Variants in ATP13A4 observed in about 807,000 individuals in gnomAD.
ATP13A4 encodes ATPase 13A4.
In ATP13A4, 114 loss-of-function variants were observed where a neutral mutation model predicts 142.5. The observed-to-expected ratio is 0.80, with a 90% CI of 0.69 to 0.93. The LOEUF (loss-of-function observed/expected upper bound fraction) is 0.93, where lower values mean the gene tolerates loss of function less well. ATP13A4 is among the 40% of genes least tolerant of loss of function. The probability of loss-of-function intolerance (pLI) is 0.00; values close to 1 mark genes in which losing one functional copy is unlikely to be tolerated. For missense variants in ATP13A4, 1,392 were observed against 1,454.0 expected, an observed-to-expected ratio of 0.96 and a Z score of 0.69; for synonymous variants, 488 against 514.8, an observed-to-expected ratio of 0.95 and a Z score of 0.70.
intron 25 of ATP13A4, among the ~76,000 whole-genome samples, chr3:193,433,260 A>G (rs1011845210): frequency 2.2e-4 from 34 of 152,336 alleles, no homozygotes; most frequent in African/African-American, 8.2e-4. Flanking sequence ...TTGGGAAGGA[A>G]GTACATGGGA....
chr3:193,436,072 A>G (rs1415866014), intron 23 of ATP13A4, among the ~76,000 whole-genome samples: 1 of 152,204 alleles, frequency 6.6e-6, no homozygotes, highest in East Asian at 1.9e-4. Flanking sequence ...TCTTCTACCT[A>G]TTCACTAATG....
chr3:193,501,308 T>TGGG (rs920619401), intron 3 of ATP13A4, among the ~76,000 whole-genome samples: 1 of 152,086 alleles, frequency 6.6e-6, no homozygotes, highest in Non-Finnish European at 1.5e-5. Context: ...GCTGAGTGGG[T>TGGG]GGGGTGCAGT....
chr3:193,508,014 C>T (rs1465327933), intron 2 of ATP13A4, among the ~76,000 whole-genome samples: 1 of 152,100 alleles, frequency 6.6e-6, no homozygotes, highest in African/African-American at 2.4e-5. Flanking sequence ...TTGAATGAGG[C>T]CATAAGGGTA....
At chr3:193,481,010 G>A (rs1320461482) in intron 8 of ATP13A4, among the ~76,000 whole-genome samples, 2 of 152,262 alleles carry the variant, frequency 1.3e-5, no homozygotes, top group East Asian at 3.9e-4. Flanking sequence ...TATTCTAAGC[G>A]AAGTAACTCA....
At chr3:193,546,612 A>C (rs1723242071) in intron 1 of ATP13A4, among the ~76,000 whole-genome samples, 1 of 152,208 alleles carries the variant, frequency 6.6e-6, no homozygotes, top group South Asian at 2.1e-4. Context: ...ATAATGTTAG[A>C]GCCAACACAA....
chr3:193,551,716 C>T (rs1470664263), intron 1 of ATP13A4, among the ~76,000 whole-genome samples: 1 of 152,214 alleles, frequency 6.6e-6, no homozygotes, highest in African/African-American at 2.4e-5. Flanking sequence ...TGGCCCAAGG[C>T]CGGTGAGAGC....
chr3:193,442,218 A>G (rs1365209303), intron 19 of ATP13A4, among the ~76,000 whole-genome samples, 175 bp downstream of exon 19: 2 of 152,226 alleles, frequency 1.3e-5, no homozygotes, highest in Non-Finnish European at 1.5e-5. Context: ...ACAGGAAAGC[A>G]CTATACCTTC....
intron 29 of ATP13A4, among the ~76,000 whole-genome samples, chr3:193,404,661 T>A (rs1256284264): frequency 3.3e-5 from 5 of 152,110 alleles, no homozygotes; most frequent in Non-Finnish European, 7.4e-5. Context: ...CCTGCCTGCT[T>A]CCCCTTTGCT....
intron 1 of ATP13A4, among the ~76,000 whole-genome samples, chr3:193,544,087 T>C (rs1723091600): frequency 6.6e-6 from 1 of 152,084 alleles, no homozygotes; most frequent in Admixed American, 6.6e-5. Context: ...GACTAATGGC[T>C]CCAGGAGACA....
chr3:193,432,052 GA>G (rs1382528591), intron 25 of ATP13A4, among the ~76,000 whole-genome samples: 1 of 151,808 alleles, frequency 6.6e-6, no homozygotes, highest in Non-Finnish European at 1.5e-5. Flanking sequence ...GGTCAAATAA[GA>G]ATTTTTAAAA....
chr3:193,476,892 T>C (rs1210209029), intron 8 of ATP13A4, among the ~76,000 whole-genome samples: 2 of 152,014 alleles, frequency 1.3e-5, no homozygotes, highest in Admixed American at 1.3e-4. Context: ...TAATATCAAA[T>C]ATCACTGATC....
At position 193,480,132 on chromosome 3, in the gene ATP13A4, A is replaced by C. The variant is rs75768479; in HGVS notation, c.808+3804T>G. On this transcript the variant is annotated intron_variant, in intron 8 of 29. Transcript: ENST00000342695. Reference sequence around the variant, plus strand: ...TCAACTCAAGATGGATCAAAGGCTTAAATCTAAGACTTGATACCATAAAAA... The same window carrying C: ...TCAACTCAAGATGGATCAAAGGCTTCAATCTAAGACTTGATACCATAAAAA... 6.1e-3 allele frequency among the ~76,000 whole-genome samples: 930 copies of C among 152,334 alleles called. 12 individuals are homozygous for C. The highest frequency in any genetic ancestry group is 0.022 in the African/African-American group (898 of 41,578).
chr3:193,517,730 G>A (rs960338119), intron 1 of ATP13A4, among the ~76,000 whole-genome samples: 1 of 151,694 alleles, frequency 6.6e-6, no homozygotes, highest in Non-Finnish European at 1.5e-5. Flanking sequence ...TGATCTGCCC[G>A]CCTCAGCCTC....
intron 8 of ATP13A4, among the ~76,000 whole-genome samples, chr3:193,477,750 G>A (rs1445120296): frequency 1.3e-5 from 2 of 152,068 alleles, no homozygotes; most frequent in East Asian, 3.8e-4. Context: ...GAGCATCGAT[G>A]GAGATCTTGG....
chr3:193,515,408 C>T (rs1721352650), intron 1 of ATP13A4, among the ~76,000 whole-genome samples: 1 of 152,132 alleles, frequency 6.6e-6, no homozygotes, highest in South Asian at 2.1e-4. Flanking sequence ...AAGAACCAGG[C>T]CTTGAAATCT....
In ATP13A4 at chr3:193,414,567, C is replaced by A. The variant is rs1560171094; in HGVS notation, c.3014+12G>T. ...AGAATGTGAGAAGCAGAAGCTGAGA[C>A]TATACTCATACCTGTGTATCTCCAC... On this transcript the variant is annotated intron_variant, in intron 26 of 29. Transcript: ENST00000342695. 1 of 1,612,918 alleles carries A rather than the reference C, an allele frequency of 6.2e-7. No individual in the cohort carries two copies. Among genetic ancestry groups the A allele is most frequent in the African/African-American group, 1.3e-5 (1 of 74,854 alleles).
At chr3:193,421,852 CAA>C (rs1476981716) in intron 25 of ATP13A4, among the ~76,000 whole-genome samples, 1 of 149,030 alleles carries the variant, frequency 6.7e-6, no homozygotes, top group Non-Finnish European at 1.5e-5. Context: ...ACCACCAAAT[CAA>C]AGAGATAAAA....
chr3:193,532,595 T>A (rs1048651776), intron 1 of ATP13A4, among the ~76,000 whole-genome samples: 8 of 151,860 alleles, frequency 5.3e-5, no homozygotes, highest in Non-Finnish European at 1.2e-4. Flanking sequence ...ATTGATAGAA[T>A]CATTCATAAA....
chr3:193,590,339 T>C (rs989274898), intron 1 of ATP13A4, among the ~76,000 whole-genome samples: 4 of 152,070 alleles, frequency 2.6e-5, no homozygotes, highest in African/African-American at 9.7e-5. Context: ...ATCACTTGAG[T>C]CATGAGTCAT....
Sources: allele counts gnomAD v4.1 joint callset (sites outside exome capture counted in the v4.1 genomes callset), GRCh38; gene constraint gnomAD v4.1.1; transcripts MANE v1.5; gene names NCBI Gene and HGNC (gene_info 2026-07-23, HGNC 2026-07-21).